SMUG1: variants seen among roughly 807,000 people sequenced by gnomAD.
SMUG1 encodes single-strand selective monofunctional uracil DNA glycosylase.
SMUG1 carries 13 observed loss-of-function variants against 23.9 expected under a neutral mutation model. The ratio of observed to expected loss-of-function variants is 0.54; its 90% CI spans 0.35 to 0.86. The LOEUF is 0.86. Ranked by LOEUF, SMUG1 falls within the 40% of genes least tolerant of loss-of-function variation. SMUG1 has a pLI of 0.01. For synonymous variants in SMUG1, 133 were observed against 139.8 expected (o/e 0.95, Z 0.34); for missense variants, 313 against 339.5 (o/e 0.92, Z 0.61).
intron 2 of SMUG1, 66 bp from the exon 3 acceptor site, chr12:54,184,025 G>A: frequency 7.5e-7 from 1 of 1,337,292 alleles, no homozygotes; most frequent in Non-Finnish European, 9.9e-7. Context: ...ATCCATGCTT[G>A]CCAGGGCCCC....
At chr12:54,159,894 A>G (rs1307091099), downstream of SMUG1, among the ~76,000 whole-genome samples, 1 of 152,264 alleles carries the variant, frequency 6.6e-6, no homozygotes, top group Non-Finnish European at 1.5e-5. Flanking sequence ...TGACCAGGGT[A>G]CATTACCACA....
At chr12:54,183,480 G>T in intron 3 of SMUG1, 176 bp downstream of exon 3, 1 of 639,210 alleles carries the variant, frequency 1.6e-6, no homozygotes, top group South Asian at 1.9e-5. Flanking sequence ...ATTACGGGCA[G>T]AGACGCTGGG....
chr12:54,171,800 A>G (rs575107406), intron 3 of SMUG1, among the ~76,000 whole-genome samples: 1 of 151,226 alleles, frequency 6.6e-6, no homozygotes, highest in African/African-American at 2.4e-5. Flanking sequence ...AACTAATACT[A>G]CTCCCAAAAC....
Position 54,182,591 on chromosome 12 carries a change from G to C in SMUG1, c.318C>G (p.Asp106Glu). Residue 106 changes from aspartate to glutamate, a missense_variant, in exon 4 of 4, where the codon GAC (aspartate) becomes GAG (glutamate). By Grantham distance (45) the Asp-to-Glu change is conservative (BLOSUM62 2). Coordinates refer to ENST00000682136, the MANE Select transcript of SMUG1 (RefSeq NM_001243787.2). ...VPFGEVSMVR[D>E]WLGIVGPVLT... The stretch of plus-strand genomic sequence containing the variant: ...GCACAGGCCCCACAATGCCCAACCA[G>C]TCCCGGACCATGCTTACTTCCCCAA... 1 of 1,612,674 alleles carries C rather than the reference G, an allele frequency of 6.2e-7. No homozygotes were observed. Among genetic ancestry groups the C allele is most frequent in the East Asian group, 2.2e-5 (1 of 44,838 alleles).
At chr12:54,170,009 ACCAACATGGAGAAAC>A (rs1338223479) in intron 3 of SMUG1, among the ~76,000 whole-genome samples, 1 of 151,852 alleles carries the variant, frequency 6.6e-6, no homozygotes, top group Non-Finnish European at 1.5e-5. Flanking sequence ...GACCAGCCTG[ACCAACATGGAGAAAC>A]CCCGTCTCTA....
intron 2 of SMUG1, among the ~76,000 whole-genome samples, chr12:54,173,867 G>A (rs1248519178): frequency 2.7e-5 from 4 of 149,668 alleles, no homozygotes; most frequent in African/African-American, 7.4e-5. Context: ...CAAGCCCCCC[G>A]AAGATGCCCC....
downstream of SMUG1, among the ~76,000 whole-genome samples, chr12:54,176,255 C>T (rs1228868802): frequency 6.6e-6 from 1 of 151,960 alleles, no homozygotes; most frequent in Non-Finnish European, 1.5e-5. Flanking sequence ...CATGGTGCCT[C>T]ATGCCTGTAA....
chr12:54,182,132 C>A lies in SMUG1; in HGVS notation c.777G>T (p.Leu259Phe). Residue 259 changes from leucine to phenylalanine, a missense_variant, in exon 4 of 4, where the codon TTG becomes TTT. Transcript: ENST00000682136. Reference protein sequence around the residue: ...KGWEAVAKERLNELGLLPLLL... With the variant: ...KGWEAVAKERFNELGLLPLLL... ...GCAGTGGCAGCAGCCCCAGCTCATT[C>A]AATCTTTCCTTGGCCACTGCCTCCC... The A allele has an allele frequency of 6.4e-7, 1 of 1,567,102 alleles. No homozygotes were observed. Among genetic ancestry groups the A allele is most frequent in the South Asian group, 1.2e-5 (1 of 83,182 alleles).
chr12:54,182,083 G>T lies in SMUG1; in HGVS notation c.*13C>A, dbSNP rs984124516. 6.5e-7 allele frequency: 1 copy of T among 1,527,940 alleles called. No homozygotes were observed. The highest frequency in any genetic ancestry group is 1.4e-5 in the African/African-American group (1 of 72,106). 94.6% of individuals were successfully genotyped at this position (1,527,940 alleles called of 1,614,324 possible). ...AGGTCTTGAATGTGTCCCATGCAAG[G>T]CCCCAAGGGCACTCATTTCAACAGC... is the stretch of plus-strand genomic sequence containing the variant. On this transcript the variant is annotated 3_prime_UTR_variant, in exon 4 of 4. Transcript: ENST00000682136.
At position 54,183,873 on chromosome 12, in the gene SMUG1, C is replaced by T; in HGVS notation, c.68G>A (p.Cys23Tyr). 1 of 1,610,984 alleles carries T rather than the reference C, an allele frequency of 6.2e-7. No individual in the cohort carries two copies. Among genetic ancestry groups the T allele is most frequent in the African/African-American group, 1.3e-5 (1 of 75,010 alleles). Reference protein sequence around the residue: ...PAGALMEPQPCPGSLAESFLE... With the variant: ...PAGALMEPQPYPGSLAESFLE... ...GAAGCTCTCAGCCAAGCTTCCAGGG[C>T]AGGGCTGGGGCTCCATGAGGGCACC... The change falls in exon 3 of 4, where the codon TGC becomes TAC. Residue 23 changes from cysteine to tyrosine, a missense_variant. Coordinates refer to ENST00000682136, the MANE Select transcript of SMUG1 (RefSeq NM_001243787.2).
At chr12:54,188,661 A>G (rs1943117544) in intron 1 of SMUG1, 1 of 152,060 alleles carries the variant, frequency 6.6e-6, no homozygotes, top group Non-Finnish European at 1.5e-5. Context: ...ATAATAAAGC[A>G]TAAACTCAAA....
rs1201643791 is a variant in SMUG1, at chr12:54,183,917, C to A, written c.24G>T (p.Gly8=). The A allele has an allele frequency of 2.5e-6, 4 of 1,586,322 alleles. No homozygotes were observed. The highest frequency in any genetic ancestry group is 3.4e-6 in the Non-Finnish European group (4 of 1,166,324). MPQAFLL[G]SIHEPAGALM... is the part of the protein sequence containing the mutation. Reference sequence around the variant, plus strand: ...GGGCACCTGCAGGCTCATGGATGGACCCCAGCAGGAAAGCCTGGGGCATAT... The same window carrying A: ...GGGCACCTGCAGGCTCATGGATGGAACCCAGCAGGAAAGCCTGGGGCATAT... Residue 8 remains glycine, a synonymous_variant, in exon 3 of 4, where the codon GGG becomes GGT. Coordinates refer to ENST00000682136, the MANE Select transcript of SMUG1 (RefSeq NM_001243787.2).
downstream of SMUG1, among the ~76,000 whole-genome samples, chr12:54,179,616 T>C (rs1195549481): frequency 3.3e-5 from 5 of 152,130 alleles, no homozygotes; most frequent in African/African-American, 9.7e-5. Flanking sequence ...AGGGAGTTAG[T>C]GCATACCCTC....
downstream of SMUG1, among the ~76,000 whole-genome samples, chr12:54,178,481 C>G (rs1320501825): frequency 3.3e-5 from 5 of 152,166 alleles, no homozygotes; most frequent in East Asian, 9.6e-4. Flanking sequence ...TTCAACCAGA[C>G]CTGCTATGCC....
At chr12:54,160,277 C>G (rs550668509), downstream of SMUG1, among the ~76,000 whole-genome samples, 9 of 152,368 alleles carry the variant, frequency 5.9e-5, 1 homozygote, top group African/African-American at 1.9e-4. Flanking sequence ...CTTCCCAGAG[C>G]TAATCGCTGC....
chr12:54,181,678 T>G lies in SMUG1; in HGVS notation c.*418A>C. ...AGGAAAGGGGTCAGCTAAAGGTAAC[T>G]GTTCTATAAGGATGGGTAGGTATCC... On this transcript the variant is annotated 3_prime_UTR_variant, in exon 4 of 4. Transcript: ENST00000682136. 1 of 1,581,238 alleles carries G rather than the reference T, an allele frequency of 6.3e-7. No homozygotes were observed. Among genetic ancestry groups the G allele is most frequent in the East Asian group, 2.2e-5 (1 of 44,576 alleles).
At chr12:54,172,587 G>T (rs12827628) in intron 2 of SMUG1, among the ~76,000 whole-genome samples, 90,429 of 151,554 alleles carry the variant, frequency 0.6, 27,160 homozygotes, top group South Asian at 0.73. Flanking sequence ...CAGGGGGGAC[G>T]TGCCCCACTC....
chr12:54,183,690 A>G lies in SMUG1; in HGVS notation c.251T>C (p.Met84Thr). Residue 84 changes from methionine (M) to threonine (T), a missense_variant, in exon 3 of 4, where the codon ATG becomes ACG. Physicochemically the swap from Met to Thr is moderately conservative, Grantham distance 81 (BLOSUM62 -1). Coordinates refer to ENST00000682136, the MANE Select transcript of SMUG1 (RefSeq NM_001243787.2). ...GGCCATGCCAAAAGGTCCAGGGTTC[A>G]TGCCCAGGAAGAGTACTTCCTTGGG... The part of the protein sequence containing the change: ...QGPKEVLFLG[M>T]NPGPFGMAQT... The G allele has an allele frequency of 6.2e-7, 1 of 1,614,026 alleles. No individual in the cohort carries two copies. The highest frequency in any genetic ancestry group is 1.1e-5 in the South Asian group (1 of 91,034).
Position 54,182,801 on chromosome 12 carries a change from T to C in SMUG1, c.286-178A>G, listed in dbSNP as rs1033669626. 7 of 1,262,636 alleles carry C rather than the reference T, an allele frequency of 5.5e-6. No homozygotes were observed. In the African/African-American group the frequency reaches 1.1e-4, roughly 19 times the overall value. The allele number at this position is 1,262,636 out of a possible 1,614,324, so 78.2% of individuals were successfully genotyped here. A position where few individuals can be genotyped will look rare whatever the true frequency, so the allele number is the denominator to read the frequency against. On this transcript the variant is annotated intron_variant, in intron 3 of 3. Transcript: ENST00000682136. ...CCTATGGTTTGAGCCTGTCTGTCTT[T>C]TTCCAGTTCTTCATTGTGAACCGTG...
Sources: allele counts gnomAD v4.1 joint callset (sites outside exome capture counted in the v4.1 genomes callset), GRCh38; gene constraint gnomAD v4.1.1; transcripts MANE v1.5; gene names NCBI Gene and HGNC (gene_info 2026-07-23, HGNC 2026-07-21).